The following FTCDNL1 variants were observed in gnomAD, a reference collection of about 807,000 sequenced individuals.
The protein encoded by FTCDNL1 is formiminotransferase N-terminal subdomain-containing protein.
A neutral mutation model predicts 5.9 loss-of-function variants in FTCDNL1; 11 were observed. The observed-to-expected ratio is 1.87, with a 90% CI of 1.18 to 3.10. The LOEUF (loss-of-function observed/expected upper bound fraction) is 3.10, where lower values mean the gene tolerates loss of function less well. Among genes scored for constraint, FTCDNL1 ranks in the 30% most tolerant of loss-of-function variants. The pLI, the probability that FTCDNL1 is intolerant of heterozygous loss-of-function variation, is 0.00. For synonymous variants in FTCDNL1, 58 were observed against 24.8 expected, an observed-to-expected ratio of 2.34 and a Z score of -3.99; for missense variants, 115 against 65.5, an observed-to-expected ratio of 1.76 and a Z score of -2.61.
At chr2:199,729,668 G>A in the FTCDNL1 span, among the ~76,000 whole-genome samples, 2 of 152,126 alleles carry the variant, frequency 1.3e-5, no homozygotes, top group African/African-American at 2.4e-5. Flanking sequence ...CCTCTTCAAG[G>A]AGAACTACAA....
chr2:199,761,580 T>C (rs1158725307), intron 3 of FTCDNL1, among the ~76,000 whole-genome samples: 1 of 152,194 alleles, frequency 6.6e-6, no homozygotes, highest in Non-Finnish European at 1.5e-5. Flanking sequence ...GAAAACCTGA[T>C]GCTCAATATT....
At chr2:199,813,087 A>G (rs995687634) in intron 4 of FTCDNL1, among the ~76,000 whole-genome samples, 1 of 152,224 alleles carries the variant, frequency 6.6e-6, no homozygotes, top group African/African-American at 2.4e-5. Context: ...TAGCTTTTGC[A>G]AACACAAATG....
At chr2:199,798,136 T>C (rs1700262115) in intron 3 of FTCDNL1, among the ~76,000 whole-genome samples, 1 of 152,248 alleles carries the variant, frequency 6.6e-6, no homozygotes, top group Non-Finnish European at 1.5e-5. Context: ...TTCCTTTAAC[T>C]GTCCCTTATA....
chr2:199,709,625 T>A, the FTCDNL1 span, among the ~76,000 whole-genome samples: 3 of 151,990 alleles, frequency 2.0e-5, no homozygotes, highest in Non-Finnish European at 4.4e-5. Flanking sequence ...GGTGATTAAA[T>A]GGTTTTAGAG....
chr2:199,787,854 A>G (rs1699738733), intron 3 of FTCDNL1, among the ~76,000 whole-genome samples: 1 of 152,218 alleles, frequency 6.6e-6, no homozygotes, highest in Non-Finnish European at 1.5e-5. Context: ...ATATTTAAGT[A>G]AAAATATAAA....
rs1461315869 is a variant in FTCDNL1 at position 199,819,769 on chromosome 2, G to C, written c.212-12C>G. On this transcript the variant is annotated splice_polypyrimidine_tract_variant and intron_variant, in intron 3 of 4. Coordinates refer to ENST00000420128, the MANE Select transcript of FTCDNL1 (RefSeq NM_001363886.2). Reference sequence around the variant, plus strand: ...ATCCTCAGCAAGGCCTGTGGCAGAGGGAATTTTAACCAAAGAAAATCACAA... The same window carrying C: ...ATCCTCAGCAAGGCCTGTGGCAGAGCGAATTTTAACCAAAGAAAATCACAA... 1.5e-6 allele frequency: 1 copy of C among 683,010 alleles called. No individual in the cohort carries two copies. Among genetic ancestry groups the C allele is most frequent in the South Asian group, 1.5e-5 (1 of 65,380 alleles). The allele number at this position is 683,010 out of a possible 1,614,324, so 42.3% of individuals were successfully genotyped here.
chr2:199,845,084 GCTTA>G (rs2076694240), intron 3 of FTCDNL1, among the ~76,000 whole-genome samples: 2 of 151,558 alleles, frequency 1.3e-5, no homozygotes, highest in African/African-American at 4.9e-5. Context: ...ATTTTTTAAA[GCTTA>G]CTTATTTTAG....
chr2:199,780,082 T>C (rs1221437233), intron 3 of FTCDNL1, among the ~76,000 whole-genome samples: 1 of 152,092 alleles, frequency 6.6e-6, no homozygotes, highest in Non-Finnish European at 1.5e-5. Context: ...TTAAGATTGG[T>C]GTGCAGGAGG....
the FTCDNL1 span, among the ~76,000 whole-genome samples, chr2:199,701,744 G>GGAGCTAGGCT: frequency 6.6e-6 from 1 of 152,110 alleles, no homozygotes; most frequent in African/African-American, 2.4e-5. Context: ...CTTATAAGCG[G>GGAGCTAGGCT]GAGCTAGGCT....
At chr2:199,741,907 G>A in the FTCDNL1 span, among the ~76,000 whole-genome samples, 1 of 152,234 alleles carries the variant, frequency 6.6e-6, no homozygotes, top group African/African-American at 2.4e-5. Flanking sequence ...ACATATCGAC[G>A]AATCTGGGGA....
At chr2:199,806,589 C>T (rs897040942), downstream of FTCDNL1, among the ~76,000 whole-genome samples, 12 of 152,272 alleles carry the variant, frequency 7.9e-5, no homozygotes, top group South Asian at 6.2e-4. Context: ...ACAGTACAAA[C>T]CAATTACAGA....
At chr2:199,697,029 T>G in the FTCDNL1 span, among the ~76,000 whole-genome samples, 1 of 152,120 alleles carries the variant, frequency 6.6e-6, no homozygotes, top group Admixed American at 6.5e-5. Context: ...TCCCAGCACT[T>G]TGGGAGGCCA....
chr2:199,772,794 T>C (rs796619727), intron 3 of FTCDNL1, among the ~76,000 whole-genome samples: 17 of 152,352 alleles, frequency 1.1e-4, no homozygotes, highest in African/African-American at 3.8e-4. Flanking sequence ...TATTCTGTCG[T>C]CTGTTCCATG....
chr2:199,822,482 G>A (rs1328056718), intron 3 of FTCDNL1, among the ~76,000 whole-genome samples: 2 of 152,198 alleles, frequency 1.3e-5, no homozygotes, highest in Non-Finnish European at 2.9e-5. Flanking sequence ...GGACATTCTG[G>A]CCTTCATCTT....
At chr2:199,669,939 T>C in the FTCDNL1 span, among the ~76,000 whole-genome samples, 2 of 152,152 alleles carry the variant, frequency 1.3e-5, no homozygotes, top group East Asian at 1.9e-4. Context: ...AATACCAAAA[T>C]AGCTCTCAAG....
intron 1 of FTCDNL1, 73 bp from the exon 2 acceptor site, chr2:199,849,042 C>G (rs556409509): frequency 4.8e-4 from 311 of 654,476 alleles, no homozygotes; most frequent in Middle Eastern, 2.9e-3. Flanking sequence ...ATAAAAAAAT[C>G]ATAACTTTTT....
the FTCDNL1 span, among the ~76,000 whole-genome samples, chr2:199,684,949 C>T: frequency 1.3e-5 from 2 of 152,154 alleles, no homozygotes; most frequent in African/African-American, 4.8e-5. Context: ...TCTTCACAAA[C>T]AGACTAAAGT....
chr2:199,748,364 T>C, the FTCDNL1 span, among the ~76,000 whole-genome samples: 1 of 151,320 alleles, frequency 6.6e-6, no homozygotes, highest in Admixed American at 6.6e-5. Flanking sequence ...TACATAGCTA[T>C]TTTTTTTTGA....
chr2:199,680,337 T>G, the FTCDNL1 span, among the ~76,000 whole-genome samples: 2 of 152,202 alleles, frequency 1.3e-5, no homozygotes, highest in African/African-American at 2.4e-5. Context: ...CAATTCCACT[T>G]GAGTAGGCAC....
Sources: allele counts gnomAD v4.1 joint callset (sites outside exome capture counted in the v4.1 genomes callset), GRCh38; gene constraint gnomAD v4.1.1; transcripts MANE v1.5; gene names NCBI Gene and HGNC (gene_info 2026-07-23, HGNC 2026-07-21).